Variants in OR51B5 observed in about 807,000 individuals in gnomAD.
OR51B5 encodes olfactory receptor family 51 subfamily B member 5, also known as olfactory receptor 51B5.
For synonymous variants in OR51B5, 186 were observed against 144.8 expected (o/e 1.28, Z -2.04); for missense variants, 456 against 374.6 (o/e 1.22, Z -1.79).
intron 1 of OR51B5, among the ~76,000 whole-genome samples, chr11:5,470,890 T>C (rs192623614): frequency 2.0e-5 from 3 of 152,318 alleles, no homozygotes; most frequent in Admixed American, 2.0e-4. Flanking sequence ...GTCTAATTCA[T>C]TCGACACAAA....
intron 1 of OR51B5, among the ~76,000 whole-genome samples, chr11:5,448,825 G>C (rs1472555158): frequency 2.0e-5 from 3 of 152,156 alleles, no homozygotes; most frequent in African/African-American, 7.2e-5. Context: ...CTGAATGCTG[G>C]AAAGTTTGAC....
At chr11:5,447,500 C>T (rs558223417) in intron 1 of OR51B5, among the ~76,000 whole-genome samples, 1 of 152,314 alleles carries the variant, frequency 6.6e-6, no homozygotes, top group South Asian at 2.1e-4. Context: ...GTCAGTTCCT[C>T]ATTTCTTTTG....
chr11:5,444,700 T>C lies in OR51B5; in HGVS notation n.84+60869A>G, dbSNP rs140360820. On this transcript the variant is annotated intron_variant and non_coding_transcript_variant, in intron 1 of 4. Transcript: ENST00000415970. The stretch of plus-strand genomic sequence containing the variant: ...AGCTCATTCTCCTAAGACTTATAAA[T>C]TTATGAGCCCTCCAGAACACCAAGT... Among the ~76,000 whole-genome samples, 401 of 152,246 alleles carry C rather than the reference T, an allele frequency of 2.6e-3. 4 individuals carry two copies. Among genetic ancestry groups the C allele is most frequent in the Admixed American group, 5.3e-3 (81 of 15,294 alleles).
At chr11:5,473,788 A>G (rs574048992) in intron 1 of OR51B5, among the ~76,000 whole-genome samples, 30 of 152,286 alleles carry the variant, frequency 2.0e-4, no homozygotes, top group Admixed American at 3.3e-4. Context: ...CTAGAACTTC[A>G]TTGGAAATTT....
At position 5,390,053 on chromosome 11, in the gene OR51B5, G is replaced by A. The variant is rs778593687; in HGVS notation, n.85-43143C>T. On this transcript the variant is annotated intron_variant and non_coding_transcript_variant, in intron 1 of 4. Transcript: ENST00000415970. ...TGGACTGATGGTGGTAGTTTTCACTGTGATGCTGGACCTGGTGCTCATCGC... is the reference window on the plus strand; with the variant it reads ...TGGACTGATGGTGGTAGTTTTCACTATGATGCTGGACCTGGTGCTCATCGC... The A allele has an allele frequency of 2.7e-5, 43 of 1,613,582 alleles. No individual in the cohort carries two copies. The African/African-American group carries it at 5.1e-4, about 19-fold the overall frequency.
intron 1 of OR51B5, among the ~76,000 whole-genome samples, chr11:5,384,294 T>C (rs1459551910): frequency 2.0e-5 from 3 of 152,130 alleles, no homozygotes; most frequent in Non-Finnish European, 4.4e-5. Flanking sequence ...ACCTTATTCT[T>C]CCAAGTTGCC....
At chr11:5,424,725 T>C (rs965850360) in intron 1 of OR51B5, among the ~76,000 whole-genome samples, 1 of 151,236 alleles carries the variant, frequency 6.6e-6, no homozygotes, top group Admixed American at 6.6e-5. Context: ...CTCACGCCTG[T>C]AATCCCAGCA....
At chr11:5,451,005 A>T (rs954761124) in intron 1 of OR51B5, among the ~76,000 whole-genome samples, 1 of 152,240 alleles carries the variant, frequency 6.6e-6, no homozygotes, top group African/African-American at 2.4e-5. Context: ...TGGTCTCCAT[A>T]AACTGTGAGG....
chr11:5,390,289 C>T, intron 1 of OR51B5: 2 of 1,613,944 alleles, frequency 1.2e-6, no homozygotes, highest in Non-Finnish European at 1.7e-6. Context: ...TTGTGCCTCC[C>T]ATGCTTAACC....
rs549743240 is a variant in OR51B5 at position 5,450,812 on chromosome 11, A to G, written n.84+54757T>C. Among the ~76,000 whole-genome samples, 9 of 152,290 alleles carry G rather than the reference A, an allele frequency of 5.9e-5. No individual in the cohort carries two copies. In the South Asian group the frequency reaches 1.7e-3, roughly 28 times the overall value. ...TCAACTCCCGCTTATGAGTGAGAGC[A>G]TGCGGTGTTTGGTTTTCTGTTCCTG... is the stretch of plus-strand genomic sequence containing the variant. On this transcript the variant is annotated intron_variant and non_coding_transcript_variant, in intron 1 of 4. Coordinates refer to the OR51B5 transcript ENST00000415970.
Position 5,454,334 on chromosome 11 carries a change from T to C in OR51B5, n.84+51235A>G, listed in dbSNP as rs1490209749. The C allele has an allele frequency of 2.5e-6, 4 of 1,614,066 alleles. No homozygotes were observed. The African/African-American group carries it at 5.3e-5, about 22-fold the overall frequency. On this transcript the variant is annotated intron_variant and non_coding_transcript_variant, in intron 1 of 4. Transcript: ENST00000415970. ...TCCTCATGTCAAATGTGTACCTATTTGTGCCTCCTGTGCTCAACCCTCTCA... is the reference window on the plus strand; with the variant it reads ...TCCTCATGTCAAATGTGTACCTATTCGTGCCTCCTGTGCTCAACCCTCTCA...
intron 1 of OR51B5, among the ~76,000 whole-genome samples, chr11:5,401,128 G>A (rs1418438190): frequency 1.3e-5 from 2 of 152,088 alleles, no homozygotes; most frequent in East Asian, 1.9e-4. Flanking sequence ...CCAGGCAGGT[G>A]GTTTTCTCTT....
chr11:5,343,339 G>T, exon 1 of OR51B5: 1 of 1,612,128 alleles, frequency 6.2e-7, no homozygotes, highest in Non-Finnish European at 8.5e-7. Flanking sequence ...CAGCCAGCAT[G>T]GCCAGAAAGA....
Position 5,440,891 on chromosome 11 carries a change from G to C in OR51B5, n.84+64678C>G, listed in dbSNP as rs148879846. On this transcript the variant is annotated intron_variant and non_coding_transcript_variant, in intron 1 of 4. Transcript: ENST00000415970. ...GGATGAAAGTTGAGTCCATACCATAGGTAAAAATGATCACCAAGAGCCCAT... is the reference window on the plus strand; with the variant it reads ...GGATGAAAGTTGAGTCCATACCATACGTAAAAATGATCACCAAGAGCCCAT... 1.1e-5 allele frequency: 17 copies of C among 1,613,576 alleles called. No homozygotes were observed. The African/African-American group carries it at 2.3e-4, about 22-fold the overall frequency.
rs768399757 is a variant in OR51B5, at chr11:5,351,680, A to G, written n.85-4770T>C. On this transcript the variant is annotated intron_variant and non_coding_transcript_variant, in intron 1 of 4. Transcript: ENST00000415970. ...GATCATAACCTCCATGAGCCCATGTACTATTTCTTAGCTATGTTGGCAGCT... is the reference window on the plus strand; with the variant it reads ...GATCATAACCTCCATGAGCCCATGTGCTATTTCTTAGCTATGTTGGCAGCT... 2.9e-5 allele frequency: 47 copies of G among 1,613,992 alleles called. No individual in the cohort carries two copies. The highest frequency in any genetic ancestry group is 3.7e-5 in the Non-Finnish European group (44 of 1,180,018).
At chr11:5,361,738 C>G (rs1849288036) in intron 1 of OR51B5, among the ~76,000 whole-genome samples, 1 of 128,966 alleles carries the variant, frequency 7.8e-6, no homozygotes, top group Non-Finnish European at 1.8e-5. Context: ...CTTTTTCATT[C>G]CCTAGCAGAG....
chr11:5,378,242 A>G (rs955702617), intron 1 of OR51B5, among the ~76,000 whole-genome samples: 4 of 152,056 alleles, frequency 2.6e-5, no homozygotes, highest in Non-Finnish European at 4.4e-5. Context: ...TGGTGCTGGG[A>G]GAACTGGCTA....
intron 1 of OR51B5, among the ~76,000 whole-genome samples, chr11:5,377,394 C>A (rs958548347): frequency 3.3e-5 from 5 of 152,172 alleles, no homozygotes; most frequent in Non-Finnish European, 5.9e-5. Flanking sequence ...CCTTTGTAAA[C>A]TGGCACAAGA....
At chr11:5,400,452 C>T (rs1286546684) in intron 1 of OR51B5, among the ~76,000 whole-genome samples, 2 of 149,794 alleles carry the variant, frequency 1.3e-5, no homozygotes, top group East Asian at 1.9e-4. Flanking sequence ...AATTTCCCCT[C>T]TTTTTTTTTT....
Sources: gnomAD v4.1 joint callset for allele counts (sites outside exome capture counted in the v4.1 genomes callset) on GRCh38, gnomAD v4.1.1 for gene constraint, MANE v1.5 for transcripts, NCBI Gene and HGNC (gene_info 2026-07-23, HGNC 2026-07-21) for gene names.